The following HIRA variants were observed in gnomAD, a reference collection of about 807,000 sequenced individuals.
HIRA encodes histone cell cycle regulator.
Under a neutral mutation model 126.6 loss-of-function variants are expected in HIRA, and 13 were observed. The ratio of observed to expected loss-of-function variants is 0.10; its 90% CI spans 0.07 to 0.16. The LOEUF (loss-of-function observed/expected upper bound fraction) is 0.16, where lower values mean the gene tolerates loss of function less well. Ranked by LOEUF, HIRA falls within the 10% of genes least tolerant of loss-of-function variation. The pLI, the probability that HIRA is intolerant of heterozygous loss-of-function variation, is 1.00. For synonymous variants in HIRA, 511 were observed against 520.0 expected (o/e 0.98, Z 0.24); for missense variants, 834 against 1,314.4 (o/e 0.63, Z 5.65).
Position 19,401,368 on chromosome 22 carries a change from C to T in HIRA, c.398-3281G>A, listed in dbSNP as rs190295174. ...TGTTGAGCTACTGGCCTCAAGTGAT[C>T]CTCATGCCTCGCTTCTTTTCACTGT... On this transcript the variant is annotated intron_variant, in intron 5 of 24. Transcript: ENST00000263208. 2.0e-3 allele frequency among the ~76,000 whole-genome samples: 309 copies of T among 152,260 alleles called. 2 individuals carry two copies. The highest frequency in any genetic ancestry group is 6.8e-3 in the Middle Eastern group (2 of 294).
intron 13 of HIRA, among the ~76,000 whole-genome samples, chr22:19,382,010 C>T (rs908503652): frequency 1.3e-5 from 2 of 151,946 alleles, no homozygotes; most frequent in African/African-American, 4.8e-5. Context: ...AATTTATTTG[C>T]ACAGAGTTCA....
chr22:19,355,222 A>G (rs1051571259), intron 21 of HIRA, among the ~76,000 whole-genome samples: 4 of 152,198 alleles, frequency 2.6e-5, no homozygotes, highest in African/African-American at 9.7e-5. Context: ...TGGCTGGAAC[A>G]CAACGTACAT....
chr22:19,405,425 G>A (rs1357566717), intron 5 of HIRA: 3 of 917,478 alleles, frequency 3.3e-6, no homozygotes, highest in Non-Finnish European at 2.6e-6. Context: ...ATGGGCATCT[G>A]TGAGCTGATT....
chr22:19,414,986 C>T (rs1391407832), intron 1 of HIRA, among the ~76,000 whole-genome samples: 1 of 150,826 alleles, frequency 6.6e-6, no homozygotes, highest in South Asian at 2.1e-4. Context: ...CACTCTGTCA[C>T]CCAGGCTGGA....
intron 24 of HIRA, among the ~76,000 whole-genome samples, chr22:19,341,089 G>A (rs918740071): frequency 1.4e-4 from 21 of 152,150 alleles, no homozygotes; most frequent in Non-Finnish European, 2.8e-4. Context: ...GCTAAGGTAG[G>A]CAGATCACTT....
chr22:19,367,522 AC>A (rs1306001459), intron 15 of HIRA, among the ~76,000 whole-genome samples: 1 of 151,982 alleles, frequency 6.6e-6, no homozygotes, highest in Non-Finnish European at 1.5e-5. Flanking sequence ...ACGCACCACC[AC>A]GCCCCGCTAA....
At chr22:19,377,484 GC>G (rs2089030178) in intron 14 of HIRA, among the ~76,000 whole-genome samples, 1 of 152,186 alleles carries the variant, frequency 6.6e-6, no homozygotes, top group Admixed American at 6.5e-5. Context: ...GGAGAACCCT[GC>G]CTAAGATGAA....
At chr22:19,413,309 C>G (rs2089368813) in intron 1 of HIRA, among the ~76,000 whole-genome samples, 1 of 152,162 alleles carries the variant, frequency 6.6e-6, no homozygotes. Context: ...AGGCTGGCAA[C>G]AAGTTTGGGT....
chr22:19,362,345 T>C (rs189771239), intron 15 of HIRA, among the ~76,000 whole-genome samples: 63 of 152,286 alleles, frequency 4.1e-4, no homozygotes, highest in Admixed American at 1.2e-3. Context: ...TGAATTACTA[T>C]AGTTTATGAA....
At chr22:19,359,541 G>A in intron 17 of HIRA, 57 bp from the exon 18 acceptor site, 21 of 1,457,176 alleles carry the variant, frequency 1.4e-5, no homozygotes, top group Non-Finnish European at 1.9e-5. Context: ...CAGGTGACAT[G>A]CTCCAAGGCT....
chr22:19,364,788 G>A (rs1278719489), intron 15 of HIRA, among the ~76,000 whole-genome samples: 1 of 152,130 alleles, frequency 6.6e-6, no homozygotes, highest in African/African-American at 2.4e-5. Context: ...TGGCCTCTAA[G>A]TAAGTGTTAA....
chr22:19,423,216 C>T (rs2089462045), intron 1 of HIRA, among the ~76,000 whole-genome samples: 3 of 152,176 alleles, frequency 2.0e-5, no homozygotes, highest in Non-Finnish European at 2.9e-5. Flanking sequence ...GTCTATCCCC[C>T]GCCTCTGCCT....
chr22:19,383,524 G>A (rs1013678953), intron 13 of HIRA, 96 bp downstream of exon 13: 3 of 983,244 alleles, frequency 3.1e-6, no homozygotes, highest in Non-Finnish European at 4.8e-6. Flanking sequence ...AGGTTGTGAA[G>A]GACCCGTGAA....
intron 24 of HIRA, among the ~76,000 whole-genome samples, chr22:19,342,945 A>T (rs1556007970): frequency 6.6e-6 from 1 of 152,264 alleles, no homozygotes; most frequent in Non-Finnish European, 1.5e-5. Flanking sequence ...TGGCATTCAC[A>T]GCAACCTGGA....
chr22:19,396,110 G>A (rs1601842945), intron 7 of HIRA, among the ~76,000 whole-genome samples: 1 of 152,148 alleles, frequency 6.6e-6, no homozygotes, highest in East Asian at 1.9e-4. Flanking sequence ...TGCTCTGCGG[G>A]AGGCTCAGAG....
intron 12 of HIRA, 94 bp from the exon 13 acceptor site, chr22:19,383,799 G>C: frequency 1.1e-6 from 1 of 916,788 alleles, no homozygotes; most frequent in East Asian, 2.5e-5. Context: ...CTGGTGATAA[G>C]AACACTAAGC....
chr22:19,388,690 A>C, intron 9 of HIRA, 136 bp from the exon 10 acceptor site: 1 of 696,258 alleles, frequency 1.4e-6, no homozygotes, highest in Non-Finnish European at 2.6e-6. Flanking sequence ...CTCTATTCAA[A>C]CTGCAGCTGC....
chr22:19,331,099 T>C lies in HIRA; in HGVS notation c.*341A>G, dbSNP rs1210690. The C allele has an allele frequency of 0.96, 1,174,112 of 1,220,840 alleles. 565,132 individuals carry two copies. The highest frequency in any genetic ancestry group is 0.99 in the African/African-American group (64,144 of 64,500). 75.6% of individuals were successfully genotyped at this position (1,220,840 alleles called of 1,614,324 possible). On this transcript the variant is annotated 3_prime_UTR_variant, in exon 25 of 25. Coordinates refer to ENST00000263208, the MANE Select transcript of HIRA (RefSeq NM_003325.4). ...AATCGTCACTGCTGAAGCAGCATGG[T>C]GCCTGCAGCAGCAGGGGCTAGTGTC...
At chr22:19,404,826 G>T (rs1198758304) in intron 5 of HIRA, among the ~76,000 whole-genome samples, 1 of 152,110 alleles carries the variant, frequency 6.6e-6, no homozygotes. Context: ...ATCCAGCCAA[G>T]AATCTATCTC....
Sources: allele counts gnomAD v4.1 joint callset (sites outside exome capture counted in the v4.1 genomes callset), GRCh38; gene constraint gnomAD v4.1.1; transcripts MANE v1.5; gene names NCBI Gene and HGNC (gene_info 2026-07-23, HGNC 2026-07-21).